Variants in ENPEP observed in about 807,000 individuals in gnomAD.
ENPEP encodes glutamyl aminopeptidase, also known as AP-A.
In ENPEP, 103 loss-of-function variants were observed where a neutral mutation model predicts 114.5. The ratio of observed to expected loss-of-function variants is 0.90; its 90% CI spans 0.77 to 1.06. ENPEP has a LOEUF of 1.06. ENPEP is among the 50% of genes least tolerant of loss of function. The pLI, the probability that ENPEP is intolerant of heterozygous loss-of-function variation, is 0.00. For missense variants in ENPEP, 1,196 were observed against 1,161.3 expected, an observed-to-expected ratio of 1.03 and a Z score of -0.43; for synonymous variants, 420 against 422.0, an observed-to-expected ratio of 1.00 and a Z score of 0.06.
intron 18 of ENPEP, 60 bp from the exon 19 acceptor site, chr4:110,559,587 A>C: frequency 1.7e-6 from 2 of 1,192,390 alleles, no homozygotes; most frequent in Non-Finnish European, 2.5e-6. Context: ...ATCTGCATTT[A>C]GAGAAAATAT....
chr4:110,560,325 A>C (rs1170019374), intron 19 of ENPEP, among the ~76,000 whole-genome samples: 13 of 152,230 alleles, frequency 8.5e-5, no homozygotes. Flanking sequence ...GGATAGAATG[A>C]AACTATTTTT....
intron 11 of ENPEP, among the ~76,000 whole-genome samples, chr4:110,532,629 AC>A (rs1382276832): frequency 3.9e-5 from 6 of 152,210 alleles, no homozygotes; most frequent in East Asian, 1.9e-4. Context: ...TTAAAAAAAA[AC>A]GTTTATTGTT....
At position 110,476,540 on chromosome 4, in the gene ENPEP, G is replaced by T; in HGVS notation, c.126G>T (p.Ser42=). Residue 42 remains serine, a synonymous_variant, in exon 1 of 20, where the codon TCG becomes TCT. Transcript: ENST00000265162. ...IVGLAVGLTR[S]CDSSGDGGPG... Reference sequence around the variant, plus strand: ...GACTTGCCGTGGGCTTGACCAGATCGTGTGACTCCAGCGGGGACGGCGGGC... The same window carrying T: ...GACTTGCCGTGGGCTTGACCAGATCTTGTGACTCCAGCGGGGACGGCGGGC... The T allele has an allele frequency of 3.7e-6, 6 of 1,610,880 alleles. No individual in the cohort carries two copies. The South Asian group carries it at 5.5e-5, about 15-fold the overall frequency.
chr4:110,492,746 G>A (rs1264998978), intron 3 of ENPEP, among the ~76,000 whole-genome samples: 2 of 152,150 alleles, frequency 1.3e-5, no homozygotes, highest in Non-Finnish European at 2.9e-5. Context: ...GAGTGCAGTC[G>A]ATGGCATTCC....
intron 3 of ENPEP, among the ~76,000 whole-genome samples, chr4:110,491,606 T>C (rs1724724862): frequency 6.6e-6 from 1 of 152,014 alleles, no homozygotes; most frequent in African/African-American, 2.4e-5. Context: ...CTATATGTAA[T>C]CAAAATAGGT....
intron 10 of ENPEP, among the ~76,000 whole-genome samples, chr4:110,521,125 CCTT>C (rs1300747255): frequency 2.0e-5 from 3 of 152,182 alleles, no homozygotes; most frequent in Admixed American, 6.5e-5. Context: ...CCCAGTCAGA[CCTT>C]CTGCTCAGCA....
chr4:110,496,842 G>A (rs1724960828), intron 3 of ENPEP, among the ~76,000 whole-genome samples: 1 of 152,160 alleles, frequency 6.6e-6, no homozygotes, highest in Admixed American at 6.5e-5. Flanking sequence ...ACTTATTCCT[G>A]GTGATGCTAA....
intron 10 of ENPEP, among the ~76,000 whole-genome samples, chr4:110,527,546 A>G (rs968956268): frequency 2.6e-5 from 4 of 152,146 alleles, no homozygotes; most frequent in Non-Finnish European, 5.9e-5. Flanking sequence ...TTTGTTTTTC[A>G]CTTTTTCCTC....
chr4:110,542,896 T>G lies in ENPEP; in HGVS notation c.1944+9T>G, dbSNP rs552021734. 26 of 1,611,472 alleles carry G rather than the reference T, an allele frequency of 1.6e-5. No individual in the cohort carries two copies. The South Asian group carries it at 2.3e-4, about 14-fold the overall frequency. On this transcript the variant is annotated intron_variant, in intron 12 of 19. Transcript: ENST00000265162. ...TCTCCTTGAACCACAAGGTAAGAGATAGCAATGGTTGGAAACTTTTATTTT... is the reference window on the plus strand; with the variant it reads ...TCTCCTTGAACCACAAGGTAAGAGAGAGCAATGGTTGGAAACTTTTATTTT...
intron 10 of ENPEP, among the ~76,000 whole-genome samples, chr4:110,529,143 A>G (rs1246896557): frequency 6.6e-6 from 1 of 152,152 alleles, no homozygotes; most frequent in Non-Finnish European, 1.5e-5. Context: ...GCCATGTTTT[A>G]GAGAGGATAG....
At chr4:110,520,486 G>A (rs760071851) in intron 10 of ENPEP, 120 bp downstream of exon 10, 6 of 1,031,756 alleles carry the variant, frequency 5.8e-6, no homozygotes, top group South Asian at 1.7e-5. Flanking sequence ...AAGCCACAGT[G>A]CCTTTAGGGG....
At chr4:110,534,594 G>GC (rs1157722708) in intron 11 of ENPEP, among the ~76,000 whole-genome samples, 1 of 131,856 alleles carries the variant, frequency 7.6e-6, no homozygotes, top group Non-Finnish European at 1.5e-5. Flanking sequence ...TGCAACGTCC[G>GC]CCCCCTGGGT....
At chr4:110,504,214 G>C (rs1725271982) in intron 3 of ENPEP, among the ~76,000 whole-genome samples, 1 of 152,206 alleles carries the variant, frequency 6.6e-6, no homozygotes, top group African/African-American at 2.4e-5. Context: ...ATCAGCCCGG[G>C]GTCAGGTGGT....
intron 6 of ENPEP, among the ~76,000 whole-genome samples, chr4:110,512,140 G>A (rs915564158): frequency 3.3e-5 from 5 of 152,108 alleles, no homozygotes; most frequent in East Asian, 1.9e-4. Flanking sequence ...TGCCCTTAAG[G>A]AGTTCTCAAT....
chr4:110,556,212 GT>G (rs1727464460), intron 18 of ENPEP, among the ~76,000 whole-genome samples: 1 of 151,724 alleles, frequency 6.6e-6, no homozygotes, highest in Non-Finnish European at 1.5e-5. Context: ...ACTGGTATGT[GT>G]TTTTTGCACA....
chr4:110,505,584 G>C (rs948074213), intron 3 of ENPEP, among the ~76,000 whole-genome samples: 1 of 152,190 alleles, frequency 6.6e-6, no homozygotes, highest in African/African-American at 2.4e-5. Flanking sequence ...AACGCATTGG[G>C]AATAATAAAG....
rs189671368 is a variant in ENPEP at position 110,562,101 on chromosome 4, G to T, written c.*543G>T. 6.6e-6 allele frequency: 1 copy of T among 152,054 alleles called. No homozygotes were observed. The highest frequency in any genetic ancestry group is 6.6e-5 in the Admixed American group (1 of 15,264). 9.4% of individuals were successfully genotyped at this position (152,054 alleles called of 1,614,324 possible). A position where few individuals can be genotyped will look rare whatever the true frequency, so the allele number is the denominator to read the frequency against. On this transcript the variant is annotated 3_prime_UTR_variant, in exon 20 of 20. Transcript: ENST00000265162. ...AACCTGGGCTTAAGTTTTACTTGAG[G>T]ATCATATGAATTAGCCAAAAGAATG...
chr4:110,476,836 TCACCCGGCTCCCGGAG>T lies in ENPEP; in HGVS notation c.424_439del (p.Thr142Ter). 1 of 1,614,088 alleles carries T rather than the reference TCACCCGGCTCCCGGAG, an allele frequency of 6.2e-7. No homozygotes were observed. The highest frequency in any genetic ancestry group is 8.5e-7 in the Non-Finnish European group (1 of 1,179,996). ...TGGCTGCACCTCCGGGAGACCAGGA[TCACCCGGCTCCCGGAG>T]CTGAAGAGGCCCTCTGGGGACCAGG... On this transcript the variant is annotated frameshift_variant, in exon 1 of 20. Coordinates refer to ENST00000265162, the MANE Select transcript of ENPEP (RefSeq NM_001977.4). LOFTEE classifies it high-confidence loss of function.
intron 3 of ENPEP, chr4:110,506,222 G>A (rs1725365131): frequency 6.5e-6 from 1 of 154,354 alleles, no homozygotes; most frequent in Admixed American, 6.5e-5. Context: ...GACAGAGAAA[G>A]AGAAAGAGAA....
Sources: gnomAD v4.1 joint callset for allele counts (sites outside exome capture counted in the v4.1 genomes callset) on GRCh38, gnomAD v4.1.1 for gene constraint, MANE v1.5 for transcripts, NCBI Gene and HGNC (gene_info 2026-07-23, HGNC 2026-07-21) for gene names.